The following SGMS1 variants were observed in gnomAD, a reference collection of about 807,000 sequenced individuals.
SGMS1 encodes phosphatidylcholine:ceramide cholinephosphotransferase 1.
Under a neutral mutation model 46.2 loss-of-function variants are expected in SGMS1, and 13 were observed. That is an observed-to-expected ratio of 0.28 (90% CI 0.18 to 0.45). The LOEUF is 0.45. SGMS1 is among the 20% of genes least tolerant of loss of function. The probability of loss-of-function intolerance (pLI) is 1.00; values close to 1 mark genes in which losing one functional copy is unlikely to be tolerated. For synonymous variants in SGMS1, 203 were observed against 187.8 expected (o/e 1.08, Z -0.66); for missense variants, 324 against 519.9 (o/e 0.62, Z 3.66).
chr10:50,425,130 G>C (rs1361805749), intron 6 of SGMS1, among the ~76,000 whole-genome samples: 6 of 152,170 alleles, frequency 3.9e-5, no homozygotes, highest in Admixed American at 2.0e-4. Context: ...AAAAGAGTAT[G>C]CTTATCCACT....
intron 2 of SGMS1, among the ~76,000 whole-genome samples, chr10:50,541,296 T>C (rs911863405): frequency 2.0e-5 from 3 of 152,208 alleles, no homozygotes; most frequent in African/African-American, 7.2e-5. Flanking sequence ...TTCTAAATTA[T>C]AGCACTTACT....
intron 7 of SGMS1, chr10:50,342,207 A>T (rs568312573): frequency 6.6e-6 from 1 of 152,364 alleles, no homozygotes; most frequent in African/African-American, 2.4e-5. Context: ...GGCAGCAAAA[A>T]TAATGCATTT....
At chr10:50,567,087 C>T (rs1838294909) in intron 2 of SGMS1, among the ~76,000 whole-genome samples, 1 of 151,800 alleles carries the variant, frequency 6.6e-6, no homozygotes, top group Non-Finnish European at 1.5e-5. Flanking sequence ...GCTGGGATTA[C>T]AGGCACCCGC....
chr10:50,535,387 G>C (rs1431211016), intron 2 of SGMS1, among the ~76,000 whole-genome samples: 1 of 151,188 alleles, frequency 6.6e-6, no homozygotes, highest in African/African-American at 2.4e-5. Context: ...TTTTCTTTGA[G>C]ATGGAGTCTC....
intron 1 of SGMS1, among the ~76,000 whole-genome samples, chr10:50,603,793 A>G (rs1420879132): frequency 6.6e-6 from 1 of 152,250 alleles, no homozygotes; most frequent in Non-Finnish European, 1.5e-5. Context: ...AATGTTATGT[A>G]TCTTTAAACA....
At chr10:50,370,721 C>T (rs1172627671) in intron 6 of SGMS1, among the ~76,000 whole-genome samples, 5 of 145,636 alleles carry the variant, frequency 3.4e-5, no homozygotes, top group Non-Finnish European at 7.5e-5. Flanking sequence ...AGTCTGGCGA[C>T]AGAGCGAGAC....
At chr10:50,423,182 G>A (rs186104648) in intron 6 of SGMS1, among the ~76,000 whole-genome samples, 2 of 152,316 alleles carry the variant, frequency 1.3e-5, no homozygotes, top group Non-Finnish European at 2.9e-5. Context: ...AGCCACAGGG[G>A]CAGCTGGGCA....
chr10:50,326,002 T>C (rs958295729), intron 8 of SGMS1, among the ~76,000 whole-genome samples: 17 of 151,986 alleles, frequency 1.1e-4, no homozygotes, highest in African/African-American at 3.6e-4. Flanking sequence ...ATAAAAACGA[T>C]GTGAAGCTGG....
At chr10:50,408,109 A>G (rs1849042736) in intron 6 of SGMS1, among the ~76,000 whole-genome samples, 1 of 152,196 alleles carries the variant, frequency 6.6e-6, no homozygotes, top group South Asian at 2.1e-4. Context: ...AGGTCCAACT[A>G]AGATTATTAA....
At chr10:50,354,330 A>G (rs2133390589) in intron 6 of SGMS1, among the ~76,000 whole-genome samples, 1 of 152,360 alleles carries the variant, frequency 6.6e-6, no homozygotes, top group African/African-American at 2.4e-5. Context: ...GACAAAAACA[A>G]GAAATGGGGA....
At chr10:50,526,790 G>A (rs904012224) in intron 2 of SGMS1, among the ~76,000 whole-genome samples, 2 of 152,044 alleles carry the variant, frequency 1.3e-5, no homozygotes, top group African/African-American at 2.4e-5. Context: ...TGGCTGGCCG[G>A]GCACGGTGGC....
intron 2 of SGMS1, among the ~76,000 whole-genome samples, chr10:50,564,738 G>A (rs1429138464): frequency 6.6e-6 from 1 of 152,022 alleles, no homozygotes; most frequent in South Asian, 2.1e-4. Context: ...ATGAGACAAT[G>A]GCAGATAATC....
chr10:50,320,884 TG>T (rs1430307885), intron 8 of SGMS1, among the ~76,000 whole-genome samples: 4 of 152,210 alleles, frequency 2.6e-5, no homozygotes, highest in African/African-American at 9.6e-5. Flanking sequence ...CCATGGCAAA[TG>T]GCTCTGCAAA....
At chr10:50,471,654 C>T (rs1837379821) in intron 3 of SGMS1, among the ~76,000 whole-genome samples, 1 of 152,174 alleles carries the variant, frequency 6.6e-6, no homozygotes, top group African/African-American at 2.4e-5. Context: ...AAATCTCAAT[C>T]CCTGTTTTAG....
intron 8 of SGMS1, among the ~76,000 whole-genome samples, chr10:50,319,898 A>T (rs538430563): frequency 6.6e-6 from 1 of 152,366 alleles, no homozygotes; most frequent in Admixed American, 6.5e-5. Context: ...TATGATCGCC[A>T]ACCTTTCACA....
intron 3 of SGMS1, among the ~76,000 whole-genome samples, chr10:50,512,431 A>G (rs1837765331): frequency 1.3e-5 from 2 of 152,198 alleles, no homozygotes; most frequent in South Asian, 4.1e-4. Context: ...AAAAGAAGCA[A>G]GTATTTGCAA....
At chr10:50,624,739 A>G, upstream of SGMS1, 1 of 985,420 alleles carries the variant, frequency 1.0e-6, no homozygotes, top group Non-Finnish European at 1.2e-6. Context: ...CCCCGAGCGA[A>G]GCCCCAGCGC....
intron 2 of SGMS1, among the ~76,000 whole-genome samples, chr10:50,584,002 T>G (rs1323769651): frequency 1.3e-5 from 2 of 152,228 alleles, no homozygotes; most frequent in Non-Finnish European, 2.9e-5. Context: ...GAAAATTTCA[T>G]TTTTAATCAA....
At chr10:50,470,131 C>A (rs546982977) in intron 3 of SGMS1, among the ~76,000 whole-genome samples, 1 of 152,060 alleles carries the variant, frequency 6.6e-6, no homozygotes, top group South Asian at 2.1e-4. Flanking sequence ...TGTCCCACAC[C>A]CTATTATTAG....
Sources: allele counts gnomAD v4.1 joint callset (sites outside exome capture counted in the v4.1 genomes callset), GRCh38; gene constraint gnomAD v4.1.1; transcripts MANE v1.5; gene names NCBI Gene and HGNC (gene_info 2026-07-23, HGNC 2026-07-21).